The following UNC5D variants were observed in gnomAD, a reference collection of about 807,000 sequenced individuals.
UNC5D encodes unc-5 netrin receptor D, also known as netrin receptor UNC5D.
In UNC5D, 39 loss-of-function variants were observed where a neutral mutation model predicts 105.4. The ratio of observed to expected loss-of-function variants is 0.37; its 90% CI spans 0.29 to 0.48. The LOEUF (loss-of-function observed/expected upper bound fraction) is 0.48, where lower values mean the gene tolerates loss of function less well. Ranked by LOEUF, UNC5D falls within the 20% of genes least tolerant of loss-of-function variation. The pLI, the probability that UNC5D is intolerant of heterozygous loss-of-function variation, is 0.98. For missense variants in UNC5D, 991 were observed against 1,202.4 expected, an observed-to-expected ratio of 0.82 and a Z score of 2.60; for synonymous variants, 452 against 450.4, an observed-to-expected ratio of 1.00 and a Z score of -0.04.
At chr8:35,693,555 C>A (rs1457606278) in intron 7 of UNC5D, among the ~76,000 whole-genome samples, 1 of 152,104 alleles carries the variant, frequency 6.6e-6, no homozygotes, top group Non-Finnish European at 1.5e-5. Flanking sequence ...ATCCAGAAAA[C>A]TTTTTCTGTT....
intron 2 of UNC5D, among the ~76,000 whole-genome samples, chr8:35,566,207 T>G (rs540262152): frequency 1.5e-4 from 23 of 151,918 alleles, no homozygotes; most frequent in Admixed American, 1.4e-3. Flanking sequence ...AAAGTATACC[T>G]CAAACTGCAC....
chr8:35,604,183 G>A (rs933976437), intron 4 of UNC5D, among the ~76,000 whole-genome samples: 16 of 152,172 alleles, frequency 1.1e-4, no homozygotes, highest in Admixed American at 3.3e-4. Context: ...GGCTGGTACC[G>A]GTTGTTCCTT....
At chr8:35,784,470 C>G (rs1045258351) in intron 16 of UNC5D, among the ~76,000 whole-genome samples, 2 of 151,956 alleles carry the variant, frequency 1.3e-5, no homozygotes, top group African/African-American at 4.8e-5. Flanking sequence ...TTGTTTAGGC[C>G]AGGCACGACA....
chr8:35,716,052 C>T (rs1218091766), intron 8 of UNC5D, among the ~76,000 whole-genome samples: 1 of 152,086 alleles, frequency 6.6e-6, no homozygotes, highest in Non-Finnish European at 1.5e-5. Context: ...TTTGATGATG[C>T]CAGTGCTATA....
rs576427381 is a variant in UNC5D, at chr8:35,298,465, G to C, written c.103+62578G>C. 5.7e-4 allele frequency among the ~76,000 whole-genome samples: 86 copies of C among 152,104 alleles called. 2 individuals are homozygous for C. The highest frequency in any genetic ancestry group is 1.8e-4 in the Non-Finnish European group (12 of 68,002). On this transcript the variant is annotated intron_variant, in intron 1 of 16. Coordinates refer to ENST00000404895, the MANE Select transcript of UNC5D (RefSeq NM_080872.4). ...GTGTTGGAGATGGGGGATGGGCAAGGCTCCTTTGACACTTTAACAAAACAC... is the reference window on the plus strand; with the variant it reads ...GTGTTGGAGATGGGGGATGGGCAAGCCTCCTTTGACACTTTAACAAAACAC...
At chr8:35,714,766 T>C (rs1828157465) in intron 8 of UNC5D, among the ~76,000 whole-genome samples, 1 of 152,218 alleles carries the variant, frequency 6.6e-6, no homozygotes, top group Non-Finnish European at 1.5e-5. Flanking sequence ...ATACAGACTT[T>C]ACAGTGTATG....
In UNC5D at chr8:35,588,764, G is replaced by C. The variant is rs143934138; in HGVS notation, c.467-6790G>C. Among the ~76,000 whole-genome samples the C allele has an allele frequency of 1.8e-4, 28 of 152,288 alleles. No homozygotes were observed. The East Asian group carries it at 5.0e-3, about 27-fold the overall frequency. The stretch of plus-strand genomic sequence containing the variant: ...CAAATTAAGGATTACCTACCAGCTG[G>C]GTGCAGTGGCTCATGACTGTAATCC... On this transcript the variant is annotated intron_variant, in intron 3 of 16. Coordinates refer to ENST00000404895, the MANE Select transcript of UNC5D (RefSeq NM_080872.4).
intron 1 of UNC5D, among the ~76,000 whole-genome samples, chr8:35,503,983 A>G (rs1181360096): frequency 6.6e-6 from 1 of 152,210 alleles, no homozygotes; most frequent in Non-Finnish European, 1.5e-5. Context: ...ATTATCACTC[A>G]CGCTTTTAAC....
chr8:35,358,593 A>G (rs887391274), intron 1 of UNC5D, among the ~76,000 whole-genome samples: 6 of 152,150 alleles, frequency 3.9e-5, no homozygotes, highest in African/African-American at 1.2e-4. Flanking sequence ...ACCATGGCAC[A>G]TGTTTACCTA....
At chr8:35,741,584 A>G (rs1829765681) in intron 11 of UNC5D, among the ~76,000 whole-genome samples, 1 of 152,156 alleles carries the variant, frequency 6.6e-6, no homozygotes, top group African/African-American at 2.4e-5. Context: ...TTGCCTATTA[A>G]TACACATGTT....
intron 1 of UNC5D, among the ~76,000 whole-genome samples, chr8:35,466,998 G>T (rs545760052): frequency 6.6e-6 from 1 of 152,142 alleles, no homozygotes; most frequent in Non-Finnish European, 1.5e-5. Context: ...GAATAAAAAT[G>T]ATTAAAGTCT....
chr8:35,612,723 C>CTTTTTTTTTTTGTT (rs1820767479), intron 4 of UNC5D, among the ~76,000 whole-genome samples: 2 of 64,744 alleles, frequency 3.1e-5, no homozygotes, highest in Non-Finnish European at 5.2e-5. Context: ...AATGTTTTGC[C>CTTTTTTTTTTTGTT]TTTTTTTTTT....
At chr8:35,287,738 T>G (rs1806713187) in intron 1 of UNC5D, among the ~76,000 whole-genome samples, 1 of 151,872 alleles carries the variant, frequency 6.6e-6, no homozygotes, top group Non-Finnish European at 1.5e-5. Flanking sequence ...GCCCTGGAGG[T>G]TGAGGCTGCA....
At chr8:35,517,796 T>G (rs1055129886) in intron 1 of UNC5D, among the ~76,000 whole-genome samples, 1 of 152,180 alleles carries the variant, frequency 6.6e-6, no homozygotes, top group Non-Finnish European at 1.5e-5. Context: ...AATTTATTTC[T>G]TGTAGTTCTG....
chr8:35,331,905 G>A (rs1265822635), intron 1 of UNC5D, among the ~76,000 whole-genome samples: 1 of 152,270 alleles, frequency 6.6e-6, no homozygotes, highest in East Asian at 1.9e-4. Context: ...TACATATAAA[G>A]TATAGTTCCA....
chr8:35,261,602 C>CAACCT (rs757358431), intron 1 of UNC5D, among the ~76,000 whole-genome samples: 57 of 150,008 alleles, frequency 3.8e-4, no homozygotes, highest in Non-Finnish European at 7.2e-4. Context: ...AAGGGAAATA[C>CAACCT]AACCTGGCTT....
chr8:35,274,995 G>T (rs1025275272), intron 1 of UNC5D, among the ~76,000 whole-genome samples: 1 of 151,954 alleles, frequency 6.6e-6, no homozygotes, highest in South Asian at 2.1e-4. Flanking sequence ...GGAGGCTGAG[G>T]CAGGAGAATT....
chr8:35,366,361 C>A (rs1802126035), intron 1 of UNC5D, among the ~76,000 whole-genome samples: 1 of 152,060 alleles, frequency 6.6e-6, no homozygotes. Context: ...TACATGGACA[C>A]CTGCTCGCCC....
At chr8:35,383,822 T>C (rs987870018) in intron 1 of UNC5D, among the ~76,000 whole-genome samples, 7 of 152,310 alleles carry the variant, frequency 4.6e-5, no homozygotes, top group Non-Finnish European at 1.0e-4. Context: ...CTCACACCTG[T>C]AATCCCAGGG....
Sources: allele counts gnomAD v4.1 joint callset (sites outside exome capture counted in the v4.1 genomes callset), GRCh38; gene constraint gnomAD v4.1.1; transcripts MANE v1.5; gene names NCBI Gene and HGNC (gene_info 2026-07-23, HGNC 2026-07-21).